The following FRAS1 variants were observed in gnomAD, a reference collection of about 807,000 sequenced individuals.
FRAS1 encodes extracellular matrix organizing protein FRAS1.
A neutral mutation model predicts 435.2 loss-of-function variants in FRAS1; 290 were observed. The ratio of observed to expected loss-of-function variants is 0.67; its 90% confidence interval spans 0.61 to 0.73. FRAS1 has a LOEUF of 0.73. Among genes scored for constraint, FRAS1 ranks in the 30% least tolerant of loss-of-function variants. FRAS1 has a pLI of 0.00. For missense variants in FRAS1, 4,860 were observed against 5,001.5 expected, an observed-to-expected ratio of 0.97 and a Z score of 0.85; for synonymous variants, 1,800 against 1,851.0, an observed-to-expected ratio of 0.97 and a Z score of 0.71.
intron 25 of FRAS1, among the ~76,000 whole-genome samples, 184 bp from the exon 26 acceptor site, chr4:78,375,555 G>A (rs760942485): frequency 2.0e-5 from 3 of 152,298 alleles, no homozygotes; most frequent in Middle Eastern, 3.4e-3. Flanking sequence ...TGGAACGTGA[G>A]GAGTGTTCCT....
chr4:78,511,683 T>C (rs1357745817), intron 64 of FRAS1, 177 bp downstream of exon 64: 2 of 658,870 alleles, frequency 3.0e-6, no homozygotes, highest in African/African-American at 1.8e-5. Flanking sequence ...CCTGCCTATC[T>C]TCCTAGTCTT....
intron 20 of FRAS1, among the ~76,000 whole-genome samples, chr4:78,343,411 TTCCCTCCC>T (rs760601199): frequency 2.1e-5 from 3 of 145,642 alleles, no homozygotes; most frequent in African/African-American, 5.4e-5. Flanking sequence ...ACCAACTGAC[TTCCCTCCC>T]TCCCTCCCTC....
At chr4:78,195,248 G>A (rs772731072) in intron 2 of FRAS1, among the ~76,000 whole-genome samples, 6 of 152,224 alleles carry the variant, frequency 3.9e-5, no homozygotes, top group East Asian at 1.9e-4. Context: ...CAGTCTGTCC[G>A]TTCTCAGATG....
intron 35 of FRAS1, among the ~76,000 whole-genome samples, chr4:78,425,173 T>C (rs1733951512): frequency 6.6e-6 from 1 of 151,964 alleles, no homozygotes; most frequent in Non-Finnish European, 1.5e-5. Flanking sequence ...TAATCATTAC[T>C]ATATTATACT....
chr4:78,464,274 C>A, intron 48 of FRAS1, 129 bp downstream of exon 48: 1 of 1,385,466 alleles, frequency 7.2e-7, no homozygotes, highest in Non-Finnish European at 9.7e-7. Context: ...GGGGTAGGGG[C>A]AGCCTCTGTA....
At chr4:78,420,773 G>A (rs1733747888) in intron 33 of FRAS1, among the ~76,000 whole-genome samples, 1 of 151,498 alleles carries the variant, frequency 6.6e-6, no homozygotes. Context: ...TACCAAGTCT[G>A]TGACTTTTGG....
Position 78,499,710 on chromosome 4 carries a change from T to C in FRAS1, c.9116-11T>C, listed in dbSNP as rs7677541. 754,797 of 1,608,900 alleles carry C rather than the reference T, an allele frequency of 0.47. 183,925 individuals are homozygous for C. The highest frequency in any genetic ancestry group is 0.71 in the East Asian group (32,028 of 44,816). ...TAACTGGCTCTTGTTTTCCTAACCA[T>C]ATTTCCTTAGCCCCCACCATTGAGT... On this transcript the variant is annotated splice_polypyrimidine_tract_variant and intron_variant, in intron 60 of 73. Coordinates refer to ENST00000512123, the MANE Select transcript of FRAS1 (RefSeq NM_025074.7).
chr4:78,255,485 G>A (rs1215479105), intron 6 of FRAS1, 110 bp downstream of exon 6: 9 of 1,168,118 alleles, frequency 7.7e-6, no homozygotes, highest in African/African-American at 4.7e-5. Context: ...AAGAAGCAAA[G>A]CCCTTTTTGT....
intron 29 of FRAS1, among the ~76,000 whole-genome samples, chr4:78,389,229 A>C (rs966455347): frequency 6.6e-6 from 1 of 152,250 alleles, no homozygotes; most frequent in East Asian, 1.9e-4. Flanking sequence ...TTCTCATGGT[A>C]GTAGATTGGG....
chr4:78,184,561 A>G lies in FRAS1; in HGVS notation c.109-52949A>G, dbSNP rs1016658666. Among the ~76,000 whole-genome samples the G allele has an allele frequency of 3.3e-5, 5 of 152,204 alleles. No homozygotes were observed. The South Asian group carries it at 1.0e-3, about 32-fold the overall frequency. ...TATGTACTTGGGTACTTAACTGCAA[A>G]TATCAACTAAATTCTGACTAGTCCA... On this transcript the variant is annotated intron_variant, in intron 2 of 73. Transcript: ENST00000512123.
chr4:78,109,448 C>T (rs1364495850), intron 2 of FRAS1, among the ~76,000 whole-genome samples: 44 of 151,956 alleles, frequency 2.9e-4, no homozygotes, highest in South Asian at 6.3e-4. Flanking sequence ...GTTCAACATA[C>T]GAAAATCAAT....
chr4:78,248,968 C>T (rs1023256356), intron 4 of FRAS1, among the ~76,000 whole-genome samples: 1 of 148,436 alleles, frequency 6.7e-6, no homozygotes, highest in Admixed American at 6.8e-5. Context: ...ATCTATTATT[C>T]CTTCATTTTA....
At chr4:78,179,586 G>A (rs975097885) in intron 2 of FRAS1, among the ~76,000 whole-genome samples, 22 of 152,166 alleles carry the variant, frequency 1.4e-4, no homozygotes, top group Admixed American at 1.4e-3. Flanking sequence ...TGAATGTGTT[G>A]TTTGTACAGA....
At chr4:78,433,282 T>C (rs980667669) in intron 38 of FRAS1, among the ~76,000 whole-genome samples, 1 of 152,226 alleles carries the variant, frequency 6.6e-6, no homozygotes, top group African/African-American at 2.4e-5. Context: ...TGAGGATGAT[T>C]AATTTTATTT....
At chr4:78,392,473 A>G (rs1300709441) in intron 29 of FRAS1, among the ~76,000 whole-genome samples, 1 of 151,980 alleles carries the variant, frequency 6.6e-6, no homozygotes, top group African/African-American at 2.4e-5. Context: ...GGAAGTTTTC[A>G]TTGTGTTTGT....
chr4:78,235,064 A>G (rs1724690270), intron 2 of FRAS1, among the ~76,000 whole-genome samples: 1 of 152,170 alleles, frequency 6.6e-6, no homozygotes, highest in Non-Finnish European at 1.5e-5. Context: ...GAAATGCTAT[A>G]TTTTAGTCTT....
rs186918949 is a variant in FRAS1, at chr4:78,342,859, T to A, written c.2422+5042T>A. On this transcript the variant is annotated intron_variant, in intron 20 of 73. Coordinates refer to ENST00000512123, the MANE Select transcript of FRAS1 (RefSeq NM_025074.7). ...GACCTGAAAAATTAAAATAGTTTTTTTTGGGTAGTGAAAGTCTGGGGGATT... is the reference window on the plus strand; with the variant it reads ...GACCTGAAAAATTAAAATAGTTTTTATTGGGTAGTGAAAGTCTGGGGGATT... Among the ~76,000 whole-genome samples the A allele has an allele frequency of 7.2e-5, 11 of 152,308 alleles. No homozygotes were observed. The East Asian group carries it at 2.1e-3, about 29-fold the overall frequency.
In FRAS1 at chr4:78,077,197, A is replaced by AACACACACACACACACACACACAC. The variant is rs10535451; in HGVS notation, c.108+11204_108+11205insCACACACACACACACACACACACA. The stretch of plus-strand genomic sequence containing the variant: ...AAGATTCCATCTCCAGACACACAGA[A>AACACACACACACACACACACACAC]ACACACACACACACACACACACATT... On this transcript the variant is annotated intron_variant, in intron 2 of 73. Coordinates refer to ENST00000512123, the MANE Select transcript of FRAS1 (RefSeq NM_025074.7). Among the ~76,000 whole-genome samples, 35 of 149,932 alleles carry AACACACACACACACACACACACAC rather than the reference A, an allele frequency of 2.3e-4. 1 individual carries two copies. The highest frequency in any genetic ancestry group is 8.0e-4 in the Admixed American group (12 of 15,042).
At chr4:78,535,521 G>A (rs28434623) in intron 71 of FRAS1, among the ~76,000 whole-genome samples, 65,650 of 151,550 alleles carry the variant, frequency 0.43, 14,860 homozygotes, top group East Asian at 0.79. Context: ...TGCTGACTGC[G>A]TCACCATCCT....
Sources: allele counts gnomAD v4.1 joint callset (sites outside exome capture counted in the v4.1 genomes callset), GRCh38; gene constraint gnomAD v4.1.1; transcripts MANE v1.5; gene names NCBI Gene and HGNC (gene_info 2026-07-23, HGNC 2026-07-21).